EML6: variants seen among roughly 807,000 people sequenced by gnomAD.
The protein encoded by EML6 is echinoderm microtubule-associated protein-like 6.
In EML6, 154 loss-of-function variants were observed where a neutral mutation model predicts 240.1. The ratio of observed to expected loss-of-function variants is 0.64; its 90% CI spans 0.56 to 0.73. The LOEUF (loss-of-function observed/expected upper bound fraction) is 0.73, where lower values mean the gene tolerates loss of function less well. EML6 is among the 30% of genes least tolerant of loss of function. The probability of loss-of-function intolerance (pLI) is 0.00; values close to 1 mark genes in which losing one functional copy is unlikely to be tolerated. For synonymous variants in EML6, 1,148 were observed against 899.0 expected, an observed-to-expected ratio of 1.28 and a Z score of -4.95; for missense variants, 2,964 against 2,474.6, an observed-to-expected ratio of 1.20 and a Z score of -4.20.
chr2:54,732,561 C>T (rs2104379974), intron 2 of EML6, among the ~76,000 whole-genome samples: 1 of 152,214 alleles, frequency 6.6e-6, no homozygotes, highest in East Asian at 1.9e-4. Context: ...ACTTTTTCTC[C>T]ATGAAATTAT....
chr2:54,874,911 A>G (rs1448022320), intron 16 of EML6, among the ~76,000 whole-genome samples: 2 of 152,190 alleles, frequency 1.3e-5, no homozygotes, highest in Non-Finnish European at 2.9e-5. Context: ...GGCCGATCCA[A>G]AGGCAGAACC....
intron 5 of EML6, among the ~76,000 whole-genome samples, chr2:54,823,956 C>T (rs970180881): frequency 2.0e-5 from 3 of 149,392 alleles, no homozygotes; most frequent in Admixed American, 1.3e-4. Flanking sequence ...AGTATGGAAC[C>T]CAGTAGGGGC....
chr2:54,822,925 T>A (rs1016845895), intron 5 of EML6, among the ~76,000 whole-genome samples: 1 of 152,162 alleles, frequency 6.6e-6, no homozygotes, highest in Non-Finnish European at 1.5e-5. Context: ...TTCATAAACA[T>A]TTAATAATCC....
chr2:54,953,094 T>G (rs985030940), intron 31 of EML6, among the ~76,000 whole-genome samples: 1 of 152,182 alleles, frequency 6.6e-6, no homozygotes, highest in Non-Finnish European at 1.5e-5. Flanking sequence ...CTGATTCACA[T>G]TTATGAGAAG....
At position 54,898,569 on chromosome 2, in the gene EML6, G is replaced by A. The variant is rs375315716; in HGVS notation, c.2983-1072G>A. The stretch of plus-strand genomic sequence containing the variant: ...AGCCCTCATTTTCTCATATTTGAAT[G>A]TCAGTTGTATTTGGAACTTTACATC... On this transcript the variant is annotated intron_variant, in intron 21 of 41. Coordinates refer to ENST00000356458, the MANE Select transcript of EML6 (RefSeq NM_001039753.4). Among the ~76,000 whole-genome samples the A allele has an allele frequency of 8.1e-4, 124 of 152,272 alleles. 4 individuals are homozygous for A. The South Asian group carries it at 0.024, about 30-fold the overall frequency.
chr2:54,883,327 C>T (rs1558646950), intron 17 of EML6, among the ~76,000 whole-genome samples: 1 of 151,920 alleles, frequency 6.6e-6, no homozygotes, highest in Non-Finnish European at 1.5e-5. Flanking sequence ...AATTTGTTAC[C>T]TGTCTTGTTC....
intron 28 of EML6, among the ~76,000 whole-genome samples, chr2:54,931,259 C>T (rs1053503700): frequency 7.9e-5 from 12 of 151,824 alleles, no homozygotes; most frequent in African/African-American, 2.4e-4. Flanking sequence ...GCCCGGCGAC[C>T]GTAGGCATCT....
Position 54,813,404 on chromosome 2 carries a change from T to G in EML6, c.357+13T>G, listed in dbSNP as rs776600679. The G allele has an allele frequency of 1.4e-5, 21 of 1,546,672 alleles. No individual in the cohort carries two copies. In the South Asian group the frequency reaches 2.5e-4, roughly 19 times the overall value. ...CTCAGATGGACAGGTGTGTATCTTT[T>G]TTTAGTTGTTTTATTTAATGACTTC... On this transcript the variant is annotated intron_variant, in intron 3 of 41. Coordinates refer to ENST00000356458, the MANE Select transcript of EML6 (RefSeq NM_001039753.4).
chr2:54,816,813 CA>C lies in EML6; in HGVS notation c.389del (p.Asn130ThrfsTer42). On this transcript the variant is annotated frameshift_variant, in exon 4 of 42. Coordinates refer to ENST00000356458, the MANE Select transcript of EML6 (RefSeq NM_001039753.4). LOFTEE classifies it high-confidence loss of function. ...QRLASVGLDA[K>X]NTVCIWDWRK... ...GTTTAGCCTCTGTGGGGTTGGATGC[CA>C]AAAACACAGTCTGCATTTGGGACTG... 6.4e-7 allele frequency: 1 copy of C among 1,551,322 alleles called. No homozygotes were observed.
chr2:54,961,184 G>GTTGTTGTTTTTTTTTTGTTTTTTTGT, intron 35 of EML6, among the ~76,000 whole-genome samples: 1 of 55,424 alleles, frequency 1.8e-5, no homozygotes, highest in Non-Finnish European at 3.2e-5. Flanking sequence ...TCAGGAAGTA[G>GTTGTTGTTTTTTTTTTGTTTTTTTGT]TTTTTTTTTT....
chr2:54,971,714 C>A lies in EML6; in HGVS notation c.*1619C>A, dbSNP rs536447671. On this transcript the variant is annotated 3_prime_UTR_variant, in exon 42 of 42. Transcript: ENST00000356458. ...TGTGACTGGTGATGCAGAGTGATAACCATGTCTGCCTATCTTGTACTAGAC... is the reference window on the plus strand; with the variant it reads ...TGTGACTGGTGATGCAGAGTGATAAACATGTCTGCCTATCTTGTACTAGAC... 1 of 152,126 alleles carries A rather than the reference C, an allele frequency of 6.6e-6. No homozygotes were observed. Among genetic ancestry groups the A allele is most frequent in the Non-Finnish European group, 1.5e-5 (1 of 68,014 alleles). The allele number at this position is 152,126 out of a possible 1,614,324, so 9.4% of individuals were successfully genotyped here.
At chr2:54,882,651 G>C (rs1195776389) in intron 17 of EML6, 2 of 152,034 alleles carry the variant, frequency 1.3e-5, no homozygotes, top group African/African-American at 4.8e-5. Flanking sequence ...GAGGTCAGGA[G>C]ATGGAGACCA....
At position 54,904,022 on chromosome 2, in the gene EML6, C is replaced by G. The variant is rs2104230026; in HGVS notation, c.3409+520C>G. Among the ~76,000 whole-genome samples, 3 of 152,284 alleles carry G rather than the reference C, an allele frequency of 2.0e-5. No homozygotes were observed. The South Asian group carries it at 6.2e-4, about 32-fold the overall frequency. On this transcript the variant is annotated intron_variant, in intron 24 of 41. Transcript: ENST00000356458. Reference sequence around the variant, plus strand: ...CTCCTCCAAGTCATGCCCACAAATGCCATGAGGATTTGTCTATTTAATAAC... The same window carrying G: ...CTCCTCCAAGTCATGCCCACAAATGGCATGAGGATTTGTCTATTTAATAAC...
intron 2 of EML6, among the ~76,000 whole-genome samples, chr2:54,764,596 T>A (rs1248180937): frequency 6.6e-6 from 1 of 152,254 alleles, no homozygotes; most frequent in Non-Finnish European, 1.5e-5. Context: ...GAAATCCCCC[T>A]GCTTTAACTT....
chr2:54,967,669 G>A (rs1400334470), intron 39 of EML6, among the ~76,000 whole-genome samples: 2 of 151,936 alleles, frequency 1.3e-5, no homozygotes, highest in East Asian at 1.9e-4. Flanking sequence ...ATGTACAGAG[G>A]GGAAGGGGAC....
intron 14 of EML6, chr2:54,867,597 C>G (rs1201904274): frequency 6.6e-6 from 1 of 152,170 alleles, no homozygotes; most frequent in Non-Finnish European, 1.5e-5. Flanking sequence ...CTACAAAAAA[C>G]TAGCCAGATG....
intron 26 of EML6, among the ~76,000 whole-genome samples, chr2:54,924,226 C>A (rs1322438000): frequency 6.6e-6 from 1 of 152,162 alleles, no homozygotes; most frequent in Non-Finnish European, 1.5e-5. Flanking sequence ...TATATTCCCA[C>A]CAAAAATGTA....
At chr2:54,968,816 C>A in intron 41 of EML6, 48 bp downstream of exon 41, 2 of 1,040,036 alleles carry the variant, frequency 1.9e-6, no homozygotes, top group African/African-American at 1.6e-5. Flanking sequence ...CTGGCCAGCT[C>A]TCCCTCCCCA....
chr2:54,904,114 A>G (rs1342123584), intron 24 of EML6, among the ~76,000 whole-genome samples: 8 of 152,174 alleles, frequency 5.3e-5, no homozygotes, highest in African/African-American at 1.9e-4. Context: ...TGAGTAAGAC[A>G]TGGTTTCTGC....
Sources: allele counts gnomAD v4.1 joint callset (sites outside exome capture counted in the v4.1 genomes callset), GRCh38; gene constraint gnomAD v4.1.1; transcripts MANE v1.5; gene names NCBI Gene and HGNC (gene_info 2026-07-23, HGNC 2026-07-21).